Variants in PLEKHD1 observed in about 807,000 individuals in gnomAD.
PLEKHD1 encodes the protein pleckstrin homology domain-containing family D member 1.
In PLEKHD1, 51 loss-of-function variants were observed where a neutral mutation model predicts 69.2. The ratio of observed to expected loss-of-function variants is 0.74; its 90% CI spans 0.59 to 0.93. The LOEUF (loss-of-function observed/expected upper bound fraction) is 0.93, where lower values mean the gene tolerates loss of function less well. PLEKHD1 is among the 40% of genes least tolerant of loss of function. The probability of loss-of-function intolerance (pLI) is 0.00; values close to 1 mark genes in which losing one functional copy is unlikely to be tolerated. For missense variants in PLEKHD1, 584 were observed against 641.0 expected, an observed-to-expected ratio of 0.91 and a Z score of 0.96; for synonymous variants, 236 against 244.7, an observed-to-expected ratio of 0.96 and a Z score of 0.33.
intron 1 of PLEKHD1, among the ~76,000 whole-genome samples, chr14:69,490,790 C>A (rs1406888163): frequency 2.6e-5 from 4 of 152,146 alleles, no homozygotes; most frequent in Non-Finnish European, 5.9e-5. Context: ...TTTCTACCTT[C>A]CTTCTGCCAG....
intron 6 of PLEKHD1, among the ~76,000 whole-genome samples, chr14:69,510,471 A>G (rs937328962): frequency 6.6e-6 from 1 of 152,038 alleles, no homozygotes; most frequent in African/African-American, 2.4e-5. Context: ...GTGTTGTTAC[A>G]TTTCAAATTT....
Position 69,500,865 on chromosome 14 carries a change from T to C in PLEKHD1, c.334-6T>C. ...CAGGCATGCGCATGGCTCCTCTTCCTGGCAGGGGAACATCTTGCTTGCTGC... is the reference window on the plus strand; with the variant it reads ...CAGGCATGCGCATGGCTCCTCTTCCCGGCAGGGGAACATCTTGCTTGCTGC... On this transcript the variant is annotated splice_region_variant and splice_polypyrimidine_tract_variant and intron_variant, in intron 3 of 12. Coordinates refer to ENST00000322564, the MANE Select transcript of PLEKHD1 (RefSeq NM_001161498.2). 2 of 1,551,636 alleles carry C rather than the reference T, an allele frequency of 1.3e-6. No homozygotes were observed. Among genetic ancestry groups the C allele is most frequent in the Non-Finnish European group, 1.7e-6 (2 of 1,146,992 alleles).
At chr14:69,487,478 G>A (rs1882680278) in intron 1 of PLEKHD1, among the ~76,000 whole-genome samples, 2 of 152,246 alleles carry the variant, frequency 1.3e-5, no homozygotes, top group Admixed American at 6.5e-5. Context: ...GTTAAGGGGA[G>A]GGGGCCTGAA....
At chr14:69,500,065 C>G in intron 1 of PLEKHD1, 50 bp from the exon 2 acceptor site, 3 of 1,344,922 alleles carry the variant, frequency 2.2e-6, no homozygotes, top group Non-Finnish European at 3.1e-6. Flanking sequence ...TCCCAAGAAA[C>G]CTCACCCCTT....
chr14:69,508,047 G>T lies in PLEKHD1; in HGVS notation c.555+5168G>T, dbSNP rs142774982. On this transcript the variant is annotated intron_variant, in intron 6 of 12. Coordinates refer to ENST00000322564, the MANE Select transcript of PLEKHD1 (RefSeq NM_001161498.2). ...CGGTAGCTCGTTGTTATTTTAATTT[G>T]CAATTACCTAATCATATATGATGTT... 4.0e-3 allele frequency among the ~76,000 whole-genome samples: 605 copies of T among 152,260 alleles called. 2 individuals are homozygous for T. Among genetic ancestry groups the T allele is most frequent in the African/African-American group, 0.013 (544 of 41,562 alleles).
chr14:69,506,509 G>T (rs1269979215), intron 6 of PLEKHD1, among the ~76,000 whole-genome samples: 1 of 152,180 alleles, frequency 6.6e-6, no homozygotes, highest in Non-Finnish European at 1.5e-5. Flanking sequence ...AAACATACAG[G>T]TGAAGTGAAA....
chr14:69,504,214 G>A (rs544987834), intron 6 of PLEKHD1, among the ~76,000 whole-genome samples: 1 of 152,304 alleles, frequency 6.6e-6, no homozygotes, highest in East Asian at 1.9e-4. Flanking sequence ...ATTAATATAG[G>A]CCCATGCTGC....
At chr14:69,513,305 C>T (rs1334416722) in intron 6 of PLEKHD1, among the ~76,000 whole-genome samples, 4 of 151,656 alleles carry the variant, frequency 2.6e-5, no homozygotes, top group South Asian at 2.1e-4. Flanking sequence ...ATGAAAGATT[C>T]GCGAATCAGG....
intron 8 of PLEKHD1, 35 bp from the exon 9 acceptor site, chr14:69,525,909 T>A (rs1338774989): frequency 6.5e-7 from 1 of 1,535,578 alleles, no homozygotes; most frequent in African/African-American, 1.4e-5. Context: ...GAACCTAAAT[T>A]GGGCTTTTCT....
At chr14:69,469,446 A>G in the PLEKHD1 span, among the ~76,000 whole-genome samples, 2 of 151,160 alleles carry the variant, frequency 1.3e-5, no homozygotes, top group Non-Finnish European at 2.9e-5. Flanking sequence ...CTCTCGCTCT[A>G]TCGCCCAGGC....
At chr14:69,489,857 TTTTGTTTG>T (rs61589610) in intron 1 of PLEKHD1, among the ~76,000 whole-genome samples, 19 of 151,176 alleles carry the variant, frequency 1.3e-4, no homozygotes, top group African/African-American at 2.2e-4. Flanking sequence ...TATATATATT[TTTTGTTTG>T]TTTGTTTGTT....
intron 3 of PLEKHD1, 85 bp downstream of exon 3, chr14:69,500,751 G>T: frequency 6.6e-7 from 1 of 1,524,112 alleles, no homozygotes; most frequent in South Asian, 1.2e-5. Context: ...CCCATGTCCT[G>T]GCCTGGGAGA....
intron 6 of PLEKHD1, among the ~76,000 whole-genome samples, chr14:69,509,798 C>T (rs901038687): frequency 1.1e-4 from 17 of 151,944 alleles, no homozygotes; most frequent in Non-Finnish European, 1.9e-4. Flanking sequence ...ATTAGCCAGG[C>T]GTGGTGGCGG....
chr14:69,527,848 T>C lies in PLEKHD1; in HGVS notation c.1267T>C (p.Ser423Pro). ...CAAGATGCCTGTGATCATGAAGAAC[T>C]CCGTGTACATCCATAAGGCAGCCAC... Reference protein sequence around the residue: ...EAKMPVIMKNSVYIHKAATRR... With the variant: ...EAKMPVIMKNPVYIHKAATRR... The change falls in exon 12 of 13, where the codon TCC becomes CCC. Residue 423 changes from serine to proline, a missense_variant. Ser to Pro is a moderately conservative substitution (Grantham distance 74). Transcript: ENST00000322564. 1 of 1,551,464 alleles carries C rather than the reference T, an allele frequency of 6.4e-7. No individual in the cohort carries two copies.
At chr14:69,514,051 A>T (rs1594987104) in intron 6 of PLEKHD1, among the ~76,000 whole-genome samples, 1 of 152,014 alleles carries the variant, frequency 6.6e-6, no homozygotes, top group African/African-American at 2.4e-5. Context: ...TAAATATGAA[A>T]TTTCTAGATA....
intron 4 of PLEKHD1, chr14:69,501,519 T>G (rs879290223): frequency 2.2e-6 from 1 of 453,606 alleles, no homozygotes; most frequent in Admixed American, 4.0e-5. Flanking sequence ...TGGCCCACTT[T>G]GCAGCCTGGG....
At chr14:69,479,251 A>T in the PLEKHD1 span, among the ~76,000 whole-genome samples, 72,312 of 151,492 alleles carry the variant, frequency 0.48, 17,449 homozygotes, top group Middle Eastern at 0.59. Context: ...TCCCACTAGT[A>T]CTCTCCCACA....
chr14:69,471,670 C>T, the PLEKHD1 span, among the ~76,000 whole-genome samples: 2 of 152,144 alleles, frequency 1.3e-5, no homozygotes, highest in East Asian at 3.9e-4. Context: ...GAGTCCCAGT[C>T]ATTCAGAATC....
chr14:69,515,776 A>G (rs1276118103), intron 6 of PLEKHD1, among the ~76,000 whole-genome samples: 1 of 152,196 alleles, frequency 6.6e-6, no homozygotes, highest in Non-Finnish European at 1.5e-5. Context: ...CTTATCACCA[A>G]GGGGATGACC....
Sources: allele counts gnomAD v4.1 joint callset (sites outside exome capture counted in the v4.1 genomes callset), GRCh38; gene constraint gnomAD v4.1.1; transcripts MANE v1.5; gene names NCBI Gene and HGNC (gene_info 2026-07-23, HGNC 2026-07-21).